The following CPSF2 variants were observed in gnomAD, a reference collection of about 807,000 sequenced individuals.
CPSF2 encodes cleavage and polyadenylation specificity factor subunit 2.
In CPSF2, 51 loss-of-function variants were observed where a neutral mutation model predicts 84.2. That is an observed-to-expected ratio of 0.61 (90% CI 0.48 to 0.77). The LOEUF is 0.77. Among genes scored for constraint, CPSF2 ranks in the 30% least tolerant of loss-of-function variants. The pLI is 0.00. For synonymous variants in CPSF2, 286 were observed against 311.9 expected, an observed-to-expected ratio of 0.92 and a Z score of 0.87; for missense variants, 641 against 929.4, an observed-to-expected ratio of 0.69 and a Z score of 4.03.
intron 13 of CPSF2, among the ~76,000 whole-genome samples, chr14:92,158,138 T>A (rs2069315684): frequency 6.6e-6 from 1 of 151,928 alleles, no homozygotes; most frequent in Non-Finnish European, 1.5e-5. Context: ...TTAGAAAAGG[T>A]TTCCTACAGG....
Position 92,135,389 on chromosome 14 carries a change from C to T in CPSF2, c.438C>T (p.Ile146=). The part of the protein sequence containing the change: ...NLKGKGHGLS[I]TPLPAGHMIG... ...TAGGTAAAGGACATGGCCTGTCTAT[C>T]ACACCTCTGCCAGCTGGTCATATGA... Residue 146 remains isoleucine (I), a synonymous_variant, in exon 6 of 16, where the codon ATC becomes ATT. Coordinates refer to ENST00000298875, the MANE Select transcript of CPSF2 (RefSeq NM_017437.3). The T allele has an allele frequency of 1.2e-6, 2 of 1,613,130 alleles. No individual in the cohort carries two copies. Among genetic ancestry groups the T allele is most frequent in the Non-Finnish European group, 1.7e-6 (2 of 1,179,542 alleles).
chr14:92,138,456 C>CT (rs2069029515), intron 7 of CPSF2, 109 bp downstream of exon 7: 1 of 504,464 alleles, frequency 2.0e-6, no homozygotes, highest in African/African-American at 2.0e-5. Flanking sequence ...TTGAGACGGA[C>CT]TTTCGCTCTT....
intron 1 of CPSF2, among the ~76,000 whole-genome samples, chr14:92,124,853 A>T (rs1373136758): frequency 1.3e-5 from 2 of 152,278 alleles, no homozygotes; most frequent in Non-Finnish European, 2.9e-5. Flanking sequence ...TTTCTTTTTC[A>T]CTTTTCCATG....
At chr14:92,153,573 A>T (rs1003448774) in intron 9 of CPSF2, among the ~76,000 whole-genome samples, 10 of 152,100 alleles carry the variant, frequency 6.6e-5, no homozygotes, top group Admixed American at 6.6e-4. Context: ...GTGATTTTTA[A>T]CCAGTTTGAT....
intron 5 of CPSF2, 90 bp downstream of exon 5, chr14:92,134,445 G>T: frequency 1.2e-6 from 1 of 826,322 alleles, no homozygotes; most frequent in South Asian, 1.7e-5. Flanking sequence ...AAAATTATAG[G>T]CATTATAGGC....
chr14:92,157,842 A>G lies in CPSF2; in HGVS notation c.1779A>G (p.Leu593=). The G allele has an allele frequency of 6.2e-7, 1 of 1,614,212 alleles. No homozygotes were observed. Among genetic ancestry groups the G allele is most frequent in the Non-Finnish European group, 8.5e-7 (1 of 1,179,998 alleles). ...ATATTAAAGTGTACATGCCAAAGCT[A>G]CATGAAACAGTTGATGCCACTAGTG... is the stretch of plus-strand genomic sequence containing the variant. The part of the protein sequence containing the change: ...GKDIKVYMPK[L]HETVDATSET... The change falls in exon 13 of 16, where the codon CTA becomes CTG. Residue 593 remains leucine, a synonymous_variant. Transcript: ENST00000298875. The surrounding 1 kb of genome is among the most constrained non-coding windows in gnomAD (Gnocchi z 4.0).
chr14:92,140,546 C>A (rs2069063775), intron 7 of CPSF2, among the ~76,000 whole-genome samples: 1 of 151,134 alleles, frequency 6.6e-6, no homozygotes, highest in Non-Finnish European at 1.5e-5. Context: ...GGTTCTCCTG[C>A]CTCAGCCTCC....
At position 92,169,112 on chromosome 14, in the gene CPSF2, C is replaced by G. The variant is rs553288701; in HGVS notation, c.*7368C>G. ...TGTTAAAAACAAAAAGAAGCACATA[C>G]TGTACAGTCAAAACTATCAGACGTA... On this transcript the variant is annotated 3_prime_UTR_variant, in exon 16 of 16. Coordinates refer to ENST00000298875, the MANE Select transcript of CPSF2 (RefSeq NM_017437.3). The G allele has an allele frequency of 2.6e-5, 4 of 152,268 alleles. No individual in the cohort carries two copies. In the South Asian group the frequency reaches 8.3e-4, roughly 32 times the overall value. 9.4% of individuals were successfully genotyped at this position (152,268 alleles called of 1,614,324 possible). A position where few individuals can be genotyped will look rare whatever the true frequency, so the allele number is the denominator to read the frequency against.
rs1423775205 is a variant in CPSF2 at position 92,165,809 on chromosome 14, CCA to C, written c.*4066_*4067del. On this transcript the variant is annotated 3_prime_UTR_variant, in exon 16 of 16. Transcript: ENST00000298875. ...CAAAAGTTTTTAATTTTGATAAAGT[CCA>C]GTTTGTTTTTTTCCCTTCAGTTCTT... The C allele has an allele frequency of 9.7e-5, 14 of 143,690 alleles. No homozygotes were observed. The highest frequency in any genetic ancestry group is 3.4e-4 in the African/African-American group (13 of 38,316). The allele number at this position is 143,690 out of a possible 1,614,324, so 8.9% of individuals were successfully genotyped here.
rs1180252682 is a variant in CPSF2, at chr14:92,167,196, G to A, written c.*5452G>A. On this transcript the variant is annotated 3_prime_UTR_variant, in exon 16 of 16. Transcript: ENST00000298875. The stretch of plus-strand genomic sequence containing the variant: ...CAGGCTAATTTTTGTATTTTTAATA[G>A]AGATGAGGTTTCATCATGCTGACCA... 1 of 151,654 alleles carries A rather than the reference G, an allele frequency of 6.6e-6. No individual in the cohort carries two copies. The highest frequency in any genetic ancestry group is 1.5e-5 in the Non-Finnish European group (1 of 67,928). 9.4% of individuals were successfully genotyped at this position (151,654 alleles called of 1,614,324 possible). A position where few individuals can be genotyped will look rare whatever the true frequency, so the allele number is the denominator to read the frequency against.
chr14:92,143,125 A>G lies in CPSF2; in HGVS notation c.971A>G (p.Lys324Arg). The G allele has an allele frequency of 6.2e-7, 1 of 1,614,068 alleles. No individual in the cohort carries two copies. The highest frequency in any genetic ancestry group is 8.5e-7 in the Non-Finnish European group (1 of 1,180,024). Residue 324 changes from lysine to arginine, a missense_variant, in exon 9 of 16, where the codon AAA (lysine) becomes AGA (arginine). Lys to Arg is a conservative substitution (Grantham distance 26). Around this residue, in one of 2 missense-constraint regions of CPSF2, gnomAD observed 430 missense variants for 553.6 expected, o/e 0.78. Coordinates refer to ENST00000298875, the MANE Select transcript of CPSF2 (RefSeq NM_017437.3). ...LSDLARVPSP[K>R]VVLASQPDLE... ...GACTTGGCCCGTGTACCTAGCCCTA[A>G]AGTTGTACTTGCCAGCCAACCTGAC...
At chr14:92,159,358 TC>T in intron 14 of CPSF2, 76 bp downstream of exon 14, 6 of 1,254,416 alleles carry the variant, frequency 4.8e-6, no homozygotes, top group Non-Finnish European at 6.7e-6. Flanking sequence ...TTGGTTTTTT[TC>T]CCCCCTTCTA....
At chr14:92,152,681 T>C (rs1209535871) in intron 9 of CPSF2, among the ~76,000 whole-genome samples, 1 of 152,114 alleles carries the variant, frequency 6.6e-6, no homozygotes, top group Non-Finnish European at 1.5e-5. Context: ...TTAGGTGATC[T>C]GCCTGCCTCG....
rs564099108 is a variant in CPSF2, at chr14:92,157,719, C to A, written c.1656C>A (p.Ile552=). Residue 552 remains isoleucine, a synonymous_variant, in exon 13 of 16, where the codon ATC becomes ATA. Transcript: ENST00000298875. This position sits in a 1 kb window ranked among gnomAD's most constrained non-coding sequence, Gnocchi z 4.0. ...GRSDGDSIKK[I]INQMKPRQLI... ...CTGATGGGGATTCCATTAAAAAAAT[C>A]ATTAATCAGATGAAACCACGACAGT... 1.2e-6 allele frequency: 2 copies of A among 1,614,014 alleles called. No individual in the cohort carries two copies. Among genetic ancestry groups the A allele is most frequent in the Non-Finnish European group, 1.7e-6 (2 of 1,179,980 alleles).
intron 11 of CPSF2, among the ~76,000 whole-genome samples, chr14:92,156,241 T>C (rs1396993919): frequency 3.3e-5 from 5 of 152,106 alleles, no homozygotes; most frequent in Admixed American, 1.3e-4. Flanking sequence ...TGAGCCGAGA[T>C]GGCGCCACCA....
chr14:92,156,443 C>T (rs2069291350), intron 11 of CPSF2, 36 bp from the exon 12 acceptor site: 1 of 1,587,728 alleles, frequency 6.3e-7, no homozygotes, highest in East Asian at 2.2e-5. Flanking sequence ...TATTAGCTTG[C>T]TTTTTACTGC....
At chr14:92,132,569 C>A (rs1357831904) in intron 3 of CPSF2, among the ~76,000 whole-genome samples, 3 of 145,248 alleles carry the variant, frequency 2.1e-5, no homozygotes, top group Admixed American at 2.0e-4. Context: ...GTCAGGAGTT[C>A]GAGACCAGCC....
intron 9 of CPSF2, among the ~76,000 whole-genome samples, chr14:92,152,303 A>G (rs2069230655): frequency 6.7e-6 from 1 of 149,466 alleles, no homozygotes; most frequent in Admixed American, 6.7e-5. Flanking sequence ...CTAATTTTGT[A>G]TTTTTAGTAG....
At chr14:92,132,490 G>A (rs147475450) in intron 3 of CPSF2, among the ~76,000 whole-genome samples, 17 of 151,434 alleles carry the variant, frequency 1.1e-4, no homozygotes, top group Admixed American at 2.6e-4. Context: ...AATAGTTTGC[G>A]ACCAGGCACA....
Sources: allele counts gnomAD v4.1 joint callset (sites outside exome capture counted in the v4.1 genomes callset), GRCh38; gene constraint gnomAD v4.1.1; regional missense constraint gnomAD v4.1.1; non-coding constraint Gnocchi (gnomAD v3.1); transcripts MANE v1.5; gene names NCBI Gene and HGNC (gene_info 2026-07-23, HGNC 2026-07-21).